The following NR3C2 variants were observed in gnomAD, a reference collection of about 807,000 sequenced individuals.
NR3C2 encodes the protein mineralocorticoid receptor.
NR3C2 carries 15 observed loss-of-function variants against 86.4 expected under a neutral mutation model. The ratio of observed to expected loss-of-function variants is 0.17; its 90% CI spans 0.12 to 0.27. The LOEUF (loss-of-function observed/expected upper bound fraction) is 0.27. Among genes scored for constraint, NR3C2 ranks in the 10% least tolerant of loss-of-function variants. The pLI is 1.00. For synonymous variants in NR3C2, 458 were observed against 450.5 expected (o/e 1.02, Z -0.21); for missense variants, 960 against 1,195.6 (o/e 0.80, Z 2.91).
At chr4:148,420,128 A>G (rs1381272164) in intron 2 of NR3C2, among the ~76,000 whole-genome samples, 2 of 152,224 alleles carry the variant, frequency 1.3e-5, no homozygotes, top group Non-Finnish European at 1.5e-5. Flanking sequence ...AAGCCAGATC[A>G]ATCAGAATCT....
chr4:148,337,823 T>C (rs1276344732), intron 2 of NR3C2, among the ~76,000 whole-genome samples: 4 of 152,190 alleles, frequency 2.6e-5, no homozygotes, highest in African/African-American at 9.6e-5. Flanking sequence ...GTATACAAAA[T>C]GGGACTTCAC....
At chr4:148,356,131 G>C (rs1203384563) in intron 2 of NR3C2, among the ~76,000 whole-genome samples, 3 of 151,926 alleles carry the variant, frequency 2.0e-5, no homozygotes, top group African/African-American at 7.3e-5. Context: ...ATTATGCAAG[G>C]GAATGAAAAG....
At chr4:148,121,941 T>G (rs1219400922) in intron 6 of NR3C2, among the ~76,000 whole-genome samples, 4 of 152,216 alleles carry the variant, frequency 2.6e-5, no homozygotes, top group African/African-American at 7.2e-5. Context: ...AATATCCTTG[T>G]CGTTTCTACA....
At chr4:148,317,367 G>GA (rs1191310814) in intron 2 of NR3C2, among the ~76,000 whole-genome samples, 1 of 143,964 alleles carries the variant, frequency 6.9e-6, no homozygotes, top group Non-Finnish European at 1.5e-5. Context: ...AAAAAAAAAA[G>GA]AAAAAAAGAA....
intron 2 of NR3C2, 32 bp downstream of exon 2, chr4:148,435,072 G>A: frequency 1.2e-6 from 2 of 1,607,008 alleles, no homozygotes; most frequent in South Asian, 2.2e-5. Flanking sequence ...ATAAAGCCAT[G>A]ACTTCCAAAA....
chr4:148,295,548 T>C (rs1742006875), intron 2 of NR3C2, among the ~76,000 whole-genome samples: 1 of 147,634 alleles, frequency 6.8e-6, no homozygotes, highest in African/African-American at 2.5e-5. Flanking sequence ...TCTTCTGCCA[T>C]CTCTGCCCAC....
intron 3 of NR3C2, among the ~76,000 whole-genome samples, chr4:148,255,510 G>C (rs886313171): frequency 5.3e-5 from 8 of 152,174 alleles, no homozygotes; most frequent in African/African-American, 1.9e-4. Context: ...TGTGAGTGTG[G>C]AAACTGACAT....
chr4:148,386,875 G>C (rs1444400328), intron 2 of NR3C2, among the ~76,000 whole-genome samples: 3 of 152,092 alleles, frequency 2.0e-5, no homozygotes, highest in Non-Finnish European at 4.4e-5. Flanking sequence ...CCTCTTCCTG[G>C]ACTTCATCTC....
chr4:148,380,122 GT>G (rs1205002810), intron 2 of NR3C2, among the ~76,000 whole-genome samples: 1 of 152,158 alleles, frequency 6.6e-6, no homozygotes, highest in Non-Finnish European at 1.5e-5. Context: ...ACTTTAAAGT[GT>G]GTAATTCAGT....
intron 2 of NR3C2, among the ~76,000 whole-genome samples, chr4:148,364,368 C>T (rs1004893170): frequency 1.3e-5 from 2 of 152,124 alleles, no homozygotes; most frequent in Non-Finnish European, 2.9e-5. Flanking sequence ...TTGGAGATTA[C>T]AGGAATCAAT....
intron 3 of NR3C2, among the ~76,000 whole-genome samples, chr4:148,233,143 G>A (rs1373303717): frequency 2.0e-5 from 3 of 152,148 alleles, no homozygotes; most frequent in Non-Finnish European, 4.4e-5. Flanking sequence ...TATCATTTGT[G>A]TGTTCACTGA....
At position 148,392,129 on chromosome 4, in the gene NR3C2, T is replaced by C. The variant is rs61764788; in HGVS notation, c.1757+42975A>G. Among the ~76,000 whole-genome samples, 7 of 152,306 alleles carry C rather than the reference T, an allele frequency of 4.6e-5. No homozygotes were observed. In the East Asian group the frequency reaches 9.6e-4, roughly 21 times the overall value. ...AAAAGAATCTGGTCAGCCAAATCTATTGAACGTACACAGCTTCCAAAATAT... is the reference window on the plus strand; with the variant it reads ...AAAAGAATCTGGTCAGCCAAATCTACTGAACGTACACAGCTTCCAAAATAT... On this transcript the variant is annotated intron_variant, in intron 2 of 8. Coordinates refer to ENST00000358102, the MANE Select transcript of NR3C2 (RefSeq NM_000901.5).
chr4:148,238,416 C>A (rs1738849929), intron 3 of NR3C2, among the ~76,000 whole-genome samples: 1 of 151,882 alleles, frequency 6.6e-6, no homozygotes, highest in South Asian at 2.1e-4. Context: ...TCAGAGAAAC[C>A]AACACAGAAA....
intron 2 of NR3C2, among the ~76,000 whole-genome samples, chr4:148,335,587 TTTATTTAAAG>T (rs1744446245): frequency 6.6e-6 from 1 of 152,124 alleles, no homozygotes; most frequent in Non-Finnish European, 1.5e-5. Context: ...ATTGGTAAAA[TTTATTTAAAG>T]TAATATTAGA....
At chr4:148,360,327 T>C (rs1465987118) in intron 2 of NR3C2, among the ~76,000 whole-genome samples, 1 of 152,238 alleles carries the variant, frequency 6.6e-6, no homozygotes, top group South Asian at 2.1e-4. Context: ...TGCTTTCTGC[T>C]TTCTTCTTTA....
intron 6 of NR3C2, among the ~76,000 whole-genome samples, chr4:148,127,991 T>C (rs1017306736): frequency 6.6e-6 from 1 of 152,214 alleles, no homozygotes; most frequent in Non-Finnish European, 1.5e-5. Flanking sequence ...AAGTGAATAA[T>C]GAGAGTTAGA....
At chr4:148,223,933 C>T (rs563010684) in intron 3 of NR3C2, among the ~76,000 whole-genome samples, 5 of 151,996 alleles carry the variant, frequency 3.3e-5, no homozygotes, top group Non-Finnish European at 7.4e-5. Context: ...ATGGGAAGAT[C>T]CTATAGGCAA....
At chr4:148,199,166 G>A (rs138172545) in intron 3 of NR3C2, among the ~76,000 whole-genome samples, 2 of 151,914 alleles carry the variant, frequency 1.3e-5, no homozygotes, top group African/African-American at 2.4e-5. Flanking sequence ...AGTAAAGAGC[G>A]TCCTGTGGGA....
chr4:148,244,608 C>T (rs937321825), intron 3 of NR3C2, among the ~76,000 whole-genome samples: 6 of 152,144 alleles, frequency 3.9e-5, no homozygotes, highest in East Asian at 1.9e-4. Context: ...CCCAGGAACA[C>T]ACATGCAGGG....
Sources: allele counts gnomAD v4.1 joint callset (sites outside exome capture counted in the v4.1 genomes callset), GRCh38; gene constraint gnomAD v4.1.1; transcripts MANE v1.5; gene names NCBI Gene and HGNC (gene_info 2026-07-23, HGNC 2026-07-21).